PIK3CB: variants seen among roughly 807,000 people sequenced by gnomAD.
The protein encoded by PIK3CB is phosphatidylinositol-4,5-bisphosphate 3-kinase catalytic subunit beta.
A neutral mutation model predicts 136.8 loss-of-function variants in PIK3CB; 39 were observed. That is an observed-to-expected ratio of 0.29 (90% CI 0.22 to 0.37). The LOEUF (loss-of-function observed/expected upper bound fraction) is 0.37. PIK3CB is among the 10% of genes least tolerant of loss of function. The probability of loss-of-function intolerance (pLI) is 1.00; values close to 1 mark genes in which losing one functional copy is unlikely to be tolerated. For missense variants in PIK3CB, 868 were observed against 1,275.4 expected (o/e 0.68, Z 4.87); for synonymous variants, 428 against 436.6 (o/e 0.98, Z 0.25).
chr3:138,771,921 C>A (rs1158487899), intron 2 of PIK3CB, among the ~76,000 whole-genome samples: 557 of 114,200 alleles, frequency 4.9e-3, no homozygotes, highest in Middle Eastern at 9.9e-3. Context: ...GACTCAGTCT[C>A]AAAAAAAAAA....
intron 2 of PIK3CB, among the ~76,000 whole-genome samples, chr3:138,779,923 G>A (rs571546468): frequency 6.6e-6 from 1 of 151,886 alleles, no homozygotes; most frequent in African/African-American, 2.4e-5. Flanking sequence ...GAATTATGCA[G>A]GTCCAAGTTC....
intron 2 of PIK3CB, among the ~76,000 whole-genome samples, chr3:138,785,823 C>T (rs942112649): frequency 2.3e-5 from 3 of 131,080 alleles, no homozygotes; most frequent in Non-Finnish European, 4.8e-5. Context: ...TCAATAAATA[C>T]TTAAAAAAAA....
At chr3:138,683,080 C>T (rs1029514073) in intron 18 of PIK3CB, among the ~76,000 whole-genome samples, 2 of 152,088 alleles carry the variant, frequency 1.3e-5, no homozygotes, top group African/African-American at 2.4e-5. Context: ...TGCCTGGGCA[C>T]GGTGGCTCAT....
intron 19 of PIK3CB, 45 bp downstream of exon 19, chr3:138,681,922 A>G (rs201403173): frequency 2.6e-6 from 3 of 1,156,250 alleles, no homozygotes; most frequent in Non-Finnish European, 3.8e-6. Flanking sequence ...TATTTTTGCT[A>G]TGGGAAGACA....
intron 2 of PIK3CB, among the ~76,000 whole-genome samples, chr3:138,786,402 C>T (rs2045982191): frequency 6.6e-6 from 1 of 151,998 alleles, no homozygotes; most frequent in African/African-American, 2.4e-5. Flanking sequence ...GTCACCCAGG[C>T]TGGAGTATAA....
At position 138,655,109 on chromosome 3, in the gene PIK3CB, A is replaced by G. The variant is rs1161961145; in HGVS notation, c.*280T>C. The G allele has an allele frequency of 7.9e-6, 3 of 380,570 alleles. No homozygotes were observed. In the Admixed American group the frequency reaches 1.3e-4, roughly 16 times the overall value. The allele number at this position is 380,570 out of a possible 1,614,324, so 23.6% of individuals were successfully genotyped here. The stretch of plus-strand genomic sequence containing the variant: ...TATTAGAAAAAACAAACAAAAACGG[A>G]AACAATCCCTAGTAGCATTCCTTGG... On this transcript the variant is annotated 3_prime_UTR_variant, in exon 24 of 24. Coordinates refer to ENST00000674063, the MANE Select transcript of PIK3CB (RefSeq NM_006219.3).
chr3:138,737,540 T>C (rs1448303056), intron 6 of PIK3CB, among the ~76,000 whole-genome samples, 167 bp downstream of exon 6: 5 of 150,784 alleles, frequency 3.3e-5, no homozygotes, highest in Admixed American at 2.0e-4. Context: ...AATGATTATC[T>C]CAGAGGTAAG....
intron 9 of PIK3CB, among the ~76,000 whole-genome samples, chr3:138,714,146 G>A (rs2044560901): frequency 6.6e-6 from 1 of 152,096 alleles, no homozygotes; most frequent in Non-Finnish European, 1.5e-5. Flanking sequence ...CTGCAGAACT[G>A]TAAATTTTTC....
Position 138,653,723 on chromosome 3 carries a change from C to T in PIK3CB, c.*1666G>A. On this transcript the variant is annotated 3_prime_UTR_variant, in exon 24 of 24. Coordinates refer to ENST00000674063, the MANE Select transcript of PIK3CB (RefSeq NM_006219.3). ...AACTGGACTGCTCCAGCATCTGCCC[C>T]ATGAACAAGAGCTCCAAAGCAGCAG... The T allele has an allele frequency of 5.4e-6, 1 of 186,368 alleles. No individual in the cohort carries two copies. Among genetic ancestry groups the T allele is most frequent in the Non-Finnish European group, 1.1e-5 (1 of 88,168 alleles). The allele number at this position is 186,368 out of a possible 1,614,324, so 11.5% of individuals were successfully genotyped here. A position where few individuals can be genotyped will look rare whatever the true frequency, so the allele number is the denominator to read the frequency against.
intron 5 of PIK3CB, among the ~76,000 whole-genome samples, chr3:138,740,047 CT>C (rs1381642193): frequency 1.3e-5 from 2 of 151,906 alleles, no homozygotes; most frequent in Non-Finnish European, 2.9e-5. Context: ...TGATCTTGGA[CT>C]TCCCAGCTTC....
chr3:138,825,358 T>C lies in PIK3CB; in HGVS notation c.-122+9337A>G, dbSNP rs141814448. The C allele has an allele frequency of 6.1e-3, 3,365 of 552,482 alleles. 20 individuals carry two copies. Among genetic ancestry groups the C allele is most frequent in the Non-Finnish European group, 9.1e-3 (2,796 of 306,604 alleles). 34.2% of individuals were successfully genotyped at this position (552,482 alleles called of 1,614,324 possible). A position where few individuals can be genotyped will look rare whatever the true frequency, so the allele number is the denominator to read the frequency against. On this transcript the variant is annotated intron_variant, in intron 1 of 23. Transcript: ENST00000674063. Reference sequence around the variant, plus strand: ...AATGGGCAGACCTGTCAGCATGCCCTTCTGGCTTATATGCTGAAGTGTGAA... The same window carrying C: ...AATGGGCAGACCTGTCAGCATGCCCCTCTGGCTTATATGCTGAAGTGTGAA...
At chr3:138,689,068 T>C in intron 15 of PIK3CB, 94 bp from the exon 16 acceptor site, 1 of 743,140 alleles carries the variant, frequency 1.3e-6, no homozygotes, top group Non-Finnish European at 2.3e-6. Flanking sequence ...AAAAATAAAC[T>C]TATGATGGCA....
At chr3:138,753,415 G>A (rs975419734) in intron 4 of PIK3CB, among the ~76,000 whole-genome samples, 4 of 152,140 alleles carry the variant, frequency 2.6e-5, no homozygotes, top group Non-Finnish European at 5.9e-5. Flanking sequence ...CAGCTACTCA[G>A]AAGGCTGAGG....
intron 4 of PIK3CB, among the ~76,000 whole-genome samples, chr3:138,745,548 G>A (rs1371143838): frequency 1.3e-5 from 2 of 152,030 alleles, no homozygotes; most frequent in East Asian, 1.9e-4. Flanking sequence ...CAGGAGAATC[G>A]CTTGAACCCA....
At chr3:138,823,121 A>G (rs1933634435) in intron 1 of PIK3CB, among the ~76,000 whole-genome samples, 1 of 151,622 alleles carries the variant, frequency 6.6e-6, no homozygotes, top group South Asian at 2.1e-4. Flanking sequence ...TGAAGCTACA[A>G]GAAAACACTG....
rs34470924 is a variant in PIK3CB, at chr3:138,695,931, ATTTTTTTTTT to A, written c.1771-1034_1771-1025del. ...CCACTATGCCCAGCTAATTTTTTGT[ATTTTTTTTTT>A]TTTTTTTTTTTTTGAGATGGGGTTT... On this transcript the variant is annotated intron_variant, in intron 13 of 23. Coordinates refer to ENST00000674063, the MANE Select transcript of PIK3CB (RefSeq NM_006219.3). Among the ~76,000 whole-genome samples, 7 of 90,812 alleles carry A rather than the reference ATTTTTTTTTT, an allele frequency of 7.7e-5. 1 individual carries two copies. Among genetic ancestry groups the A allele is most frequent in the Admixed American group, 3.0e-4 (2 of 6,632 alleles). The allele number at this position is 90,812 out of a possible 152,430, so 59.6% of individuals were successfully genotyped here. A position where few individuals can be genotyped will look rare whatever the true frequency, so the allele number is the denominator to read the frequency against.
At chr3:138,656,579 G>A (rs552962276) in intron 22 of PIK3CB, among the ~76,000 whole-genome samples, 1 of 152,208 alleles carries the variant, frequency 6.6e-6, no homozygotes, top group Admixed American at 6.5e-5. Flanking sequence ...TGAGACACAA[G>A]AACTGATTAT....
intron 1 of PIK3CB, among the ~76,000 whole-genome samples, chr3:138,833,220 C>T (rs781263176): frequency 6.6e-6 from 1 of 151,736 alleles, no homozygotes; most frequent in Non-Finnish European, 1.5e-5. Context: ...GCGCCCGCCA[C>T]CACGCCCTGC....
chr3:138,667,347 T>C (rs749736781), intron 19 of PIK3CB, among the ~76,000 whole-genome samples: 2 of 151,710 alleles, frequency 1.3e-5, no homozygotes, highest in African/African-American at 2.4e-5. Context: ...CTGTTGGCCA[T>C]GTAAGGACTT....
Sources: allele counts gnomAD v4.1 joint callset (sites outside exome capture counted in the v4.1 genomes callset), GRCh38; gene constraint gnomAD v4.1.1; transcripts MANE v1.5; gene names NCBI Gene and HGNC (gene_info 2026-07-23, HGNC 2026-07-21).